Variants in NPHP4 observed in about 807,000 individuals in gnomAD.
NPHP4 encodes the protein nephrocystin 4, also known as nephrocystin-4.
NPHP4 carries 151 observed loss-of-function variants against 155.8 expected under a neutral mutation model. The observed-to-expected ratio is 0.97, with a 90% CI of 0.85 to 1.11. The LOEUF is 1.11. Among genes scored for constraint, NPHP4 ranks in the 50% least tolerant of loss-of-function variants. NPHP4 has a pLI of 0.00. For synonymous variants in NPHP4, 845 were observed against 816.8 expected, an observed-to-expected ratio of 1.03 and a Z score of -0.59; for missense variants, 1,956 against 1,925.7, an observed-to-expected ratio of 1.02 and a Z score of -0.29.
intron 23 of NPHP4, 141 bp from the exon 24 acceptor site, chr1:5,868,037 T>C: frequency 1.1e-6 from 1 of 912,788 alleles, no homozygotes; most frequent in Non-Finnish European, 1.8e-6. Flanking sequence ...AGGTCGGGCA[T>C]CGTCAAAGGC....
At chr1:5,981,901 T>C (rs1202128445) in intron 2 of NPHP4, among the ~76,000 whole-genome samples, 1 of 152,222 alleles carries the variant, frequency 6.6e-6, no homozygotes, top group Non-Finnish European at 1.5e-5. Flanking sequence ...CTTTTTTTTG[T>C]AGTGCCCTTG....
Position 5,863,093 on chromosome 1 carries a change from T to C in NPHP4, c.*172A>G. 2 of 664,342 alleles carry C rather than the reference T, an allele frequency of 3.0e-6. No individual in the cohort carries two copies. Among genetic ancestry groups the C allele is most frequent in the Admixed American group, 2.3e-5 (1 of 42,768 alleles). 41.2% of individuals were successfully genotyped at this position (664,342 alleles called of 1,614,324 possible). On this transcript the variant is annotated 3_prime_UTR_variant, in exon 30 of 30. Coordinates refer to ENST00000378156, the MANE Select transcript of NPHP4 (RefSeq NM_015102.5). ...CAGCAGCAGCTAAGCTGGATGCAGG[T>C]ACTACAAAATGACCAGCGCTCGGTC...
chr1:5,884,928 G>A (rs1415734538), intron 18 of NPHP4, among the ~76,000 whole-genome samples: 54 of 70,736 alleles, frequency 7.6e-4, no homozygotes, highest in African/African-American at 3.0e-3. Flanking sequence ...CGTCCTACTC[G>A]ACAACCAAGA....
At chr1:5,939,796 C>A (rs1646730441) in intron 9 of NPHP4, among the ~76,000 whole-genome samples, 1 of 152,214 alleles carries the variant, frequency 6.6e-6, no homozygotes, top group African/African-American at 2.4e-5. Flanking sequence ...TGCTGTGAGA[C>A]CGCGTTGTCT....
intron 1 of NPHP4, among the ~76,000 whole-genome samples, chr1:5,991,956 G>A (rs1019497698): frequency 4.2e-4 from 53 of 126,796 alleles, no homozygotes; most frequent in Non-Finnish European, 1.3e-4. Context: ...GGGGCAGGGG[G>A]CAAAGGGCAA....
chr1:5,919,913 C>T (rs1197054733), intron 11 of NPHP4, among the ~76,000 whole-genome samples: 1 of 151,970 alleles, frequency 6.6e-6, no homozygotes, highest in African/African-American at 2.4e-5. Context: ...CTACTGCATG[C>T]ATTTATTTAC....
chr1:5,869,600 G>A (rs1641793825), intron 23 of NPHP4, among the ~76,000 whole-genome samples: 1 of 152,350 alleles, frequency 6.6e-6, no homozygotes, highest in African/African-American at 2.4e-5. Flanking sequence ...AATTCTTTAA[G>A]TAAATGTAAA....
At chr1:5,964,941 A>ATATATATATATATTTT in intron 5 of NPHP4, among the ~76,000 whole-genome samples, 2 of 59,420 alleles carry the variant, frequency 3.4e-5, no homozygotes, top group African/African-American at 1.7e-4. Flanking sequence ...ATATATATAT[A>ATATATATATATATTTT]TTTTTTTTTT....
intron 2 of NPHP4, among the ~76,000 whole-genome samples, chr1:5,985,365 C>T (rs1205481648): frequency 6.6e-6 from 1 of 152,264 alleles, no homozygotes; most frequent in African/African-American, 2.4e-5. Flanking sequence ...GAAGCACCAG[C>T]TTGTCCAGCA....
intron 3 of NPHP4, among the ~76,000 whole-genome samples, chr1:5,972,051 G>A (rs1652666156): frequency 6.6e-6 from 1 of 152,244 alleles, no homozygotes; most frequent in Non-Finnish European, 1.5e-5. Flanking sequence ...GTGGAATTGG[G>A]CCTCTGCCGA....
rs752020543 is a variant in NPHP4, at chr1:5,909,217, G to A, written c.1442-4C>T. The A allele has an allele frequency of 6.2e-7, 1 of 1,601,098 alleles. No homozygotes were observed. Among genetic ancestry groups the A allele is most frequent in the Non-Finnish European group, 8.5e-7 (1 of 1,174,076 alleles). Reference sequence around the variant, plus strand: ...CGAGGTACTGGCGCTGGCGGGCCTGGGAGGAAGCACAGTGGGGTAGGAGAG... The same window carrying A: ...CGAGGTACTGGCGCTGGCGGGCCTGAGAGGAAGCACAGTGGGGTAGGAGAG... On this transcript the variant is annotated splice_region_variant and splice_polypyrimidine_tract_variant and intron_variant, in intron 11 of 29. Coordinates refer to ENST00000378156, the MANE Select transcript of NPHP4 (RefSeq NM_015102.5).
intron 11 of NPHP4, among the ~76,000 whole-genome samples, chr1:5,921,936 G>T (rs1645760727): frequency 6.6e-6 from 1 of 152,236 alleles, no homozygotes; most frequent in Non-Finnish European, 1.5e-5. Flanking sequence ...CCACCCCAGA[G>T]ATACCCACGT....
chr1:5,884,135 C>T (rs1643557813), intron 18 of NPHP4, among the ~76,000 whole-genome samples: 1 of 152,206 alleles, frequency 6.6e-6, no homozygotes, highest in South Asian at 2.1e-4. Flanking sequence ...TAAATTAGTG[C>T]AGGCTTTCTT....
At chr1:5,983,248 G>A (rs1654996763) in intron 2 of NPHP4, among the ~76,000 whole-genome samples, 1 of 152,036 alleles carries the variant, frequency 6.6e-6, no homozygotes, top group African/African-American at 2.4e-5. Context: ...TTGCTCTTTT[G>A]TACAAAAGAG....
At chr1:5,959,482 G>A (rs1240474336) in intron 6 of NPHP4, among the ~76,000 whole-genome samples, 2 of 152,184 alleles carry the variant, frequency 1.3e-5, no homozygotes, top group Non-Finnish European at 2.9e-5. Flanking sequence ...TCCTCTTGGG[G>A]CACCACGGCT....
Position 5,891,931 on chromosome 1 carries a change from G to A in NPHP4, c.2144-903C>T, listed in dbSNP as rs548932057. On this transcript the variant is annotated intron_variant, in intron 16 of 29. Coordinates refer to ENST00000378156, the MANE Select transcript of NPHP4 (RefSeq NM_015102.5). ...GGAGTAAGCACAATGTGTCCGGACA[G>A]GGGACCTAGGGGGAGCGAAGAGTGC... Among the ~76,000 whole-genome samples, 3 of 152,364 alleles carry A rather than the reference G, an allele frequency of 2.0e-5. No individual in the cohort carries two copies. In the East Asian group the frequency reaches 5.8e-4, roughly 29 times the overall value.
intron 23 of NPHP4, 115 bp from the exon 24 acceptor site, chr1:5,868,011 C>A (rs776772907): frequency 2.2e-4 from 253 of 1,145,442 alleles, no homozygotes; most frequent in Non-Finnish European, 3.2e-4. Flanking sequence ...TCACCCTCCA[C>A]TGCCATGAGC....
chr1:5,893,226 A>C (rs1185627850), intron 16 of NPHP4, among the ~76,000 whole-genome samples: 1 of 152,220 alleles, frequency 6.6e-6, no homozygotes, highest in Non-Finnish European at 1.5e-5. Flanking sequence ...GAGAGTGTAG[A>C]AATAAAGACA....
chr1:5,887,538 G>A, intron 17 of NPHP4, 72 bp from the exon 18 acceptor site: 10 of 1,501,842 alleles, frequency 6.7e-6, no homozygotes, highest in Non-Finnish European at 8.2e-6. Flanking sequence ...TGCAGGTGGA[G>A]GCTGCTCCCC....
Sources: gnomAD v4.1 joint callset for allele counts (sites outside exome capture counted in the v4.1 genomes callset) on GRCh38, gnomAD v4.1.1 for gene constraint, MANE v1.5 for transcripts, NCBI Gene and HGNC (gene_info 2026-07-23, HGNC 2026-07-21) for gene names.